Variants in DOCK10 observed in about 807,000 individuals in gnomAD.
DOCK10 encodes the protein dedicator of cytokinesis protein 10.
DOCK10 carries 145 observed loss-of-function variants against 280.1 expected under a neutral mutation model. The ratio of observed to expected loss-of-function variants is 0.52; its 90% CI spans 0.45 to 0.59. DOCK10 has a LOEUF of 0.59. Ranked by LOEUF, DOCK10 falls within the 20% of genes least tolerant of loss-of-function variation. The probability of loss-of-function intolerance (pLI) is 0.00; values close to 1 mark genes in which losing one functional copy is unlikely to be tolerated. For synonymous variants in DOCK10, 915 were observed against 942.2 expected (o/e 0.97, Z 0.53); for missense variants, 2,368 against 2,651.7 (o/e 0.89, Z 2.35).
At position 225,035,571 on chromosome 2, in the gene DOCK10, T is replaced by G. The variant is rs1160792760; in HGVS notation, c.123+6681A>C. ...ATATATATATATATATATATATATA[T>G]ATATATATATATATATAACACTGAA... On this transcript the variant is annotated intron_variant, in intron 1 of 55. Coordinates refer to ENST00000258390, the MANE Select transcript of DOCK10 (RefSeq NM_014689.3). Among the ~76,000 whole-genome samples the G allele has an allele frequency of 1.1e-4, 5 of 43,868 alleles. No homozygotes were observed. In the South Asian group the frequency reaches 4.2e-3, roughly 37 times the overall value. 28.8% of individuals were successfully genotyped at this position (43,868 alleles called of 152,430 possible).
intron 28 of DOCK10, among the ~76,000 whole-genome samples, chr2:224,820,198 G>C (rs1420542249): frequency 6.6e-6 from 1 of 152,182 alleles, no homozygotes; most frequent in Admixed American, 6.5e-5. Flanking sequence ...TTCTATCAGC[G>C]AGCTGCTTAC....
chr2:224,862,042 T>C (rs1374921326), intron 14 of DOCK10: 8 of 152,298 alleles, frequency 5.3e-5, no homozygotes, highest in Non-Finnish European at 1.2e-4. Context: ...TAATTGATGA[T>C]TAAACAGTTC....
At chr2:225,017,468 G>T (rs1442784434) in intron 1 of DOCK10, among the ~76,000 whole-genome samples, 1 of 151,750 alleles carries the variant, frequency 6.6e-6, no homozygotes, top group African/African-American at 2.4e-5. Context: ...GAGCAAGCCT[G>T]AAAGAGACCA....
intron 8 of DOCK10, 92 bp downstream of exon 8, chr2:224,875,946 C>T (rs1698600851): frequency 7.6e-7 from 1 of 1,308,248 alleles, no homozygotes; most frequent in Non-Finnish European, 1.1e-6. Flanking sequence ...TGAGCTAGAC[C>T]AGACAGCAAC....
chr2:224,801,391 T>C (rs1012307350), intron 40 of DOCK10, among the ~76,000 whole-genome samples: 3 of 152,054 alleles, frequency 2.0e-5, no homozygotes, highest in African/African-American at 7.2e-5. Flanking sequence ...AGCCATGTTA[T>C]ATAGGGTTAA....
intron 1 of DOCK10, among the ~76,000 whole-genome samples, chr2:224,965,397 C>A (rs1247501560): frequency 6.6e-6 from 1 of 152,192 alleles, no homozygotes; most frequent in Non-Finnish European, 1.5e-5. Context: ...TGTTCCTACA[C>A]AAGACGGTCT....
Position 224,876,067 on chromosome 2 carries a change from C to T in DOCK10, c.902G>A (p.Arg301Lys), listed in dbSNP as rs180691490. 2.1e-3 allele frequency: 3,311 copies of T among 1,613,786 alleles called. 9 individuals are homozygous for T. The highest frequency in any genetic ancestry group is 9.9e-3 in the Middle Eastern group (60 of 6,060). Residue 301 changes from arginine to lysine, a missense_variant, in exon 8 of 56, where the codon AGG becomes AAG. Around this residue, in one of 2 missense-constraint regions of DOCK10, gnomAD observed 1,209 missense variants for 1,250.9 expected, o/e 0.97. Coordinates refer to ENST00000258390, the MANE Select transcript of DOCK10 (RefSeq NM_014689.3). ...ISPEGPLQGR[R>K]STELTDLGLD... Reference sequence around the variant, plus strand: ...ACCCAGATCAGTGAGCTCTGTGCTCCTCCTCCCTTGGAGGGGCCCCTCAGG... The same window carrying T: ...ACCCAGATCAGTGAGCTCTGTGCTCTTCCTCCCTTGGAGGGGCCCCTCAGG...
Position 224,970,809 on chromosome 2 carries a change from A to G in DOCK10, c.124-39141T>C, listed in dbSNP as rs1705040101. Among the ~76,000 whole-genome samples the G allele has an allele frequency of 1.3e-5, 2 of 152,340 alleles. No individual in the cohort carries two copies. The highest frequency in any genetic ancestry group is 4.1e-4 in the South Asian group (2 of 4,824). ...AGAATTGGCTTTCATCTCCAAATGG[A>G]TTTATTCCTCTAAGATAACCAGAAA... On this transcript the variant is annotated intron_variant, in intron 1 of 55. Transcript: ENST00000258390. This position sits in a 1 kb window ranked among gnomAD's most constrained non-coding sequence, Gnocchi z 4.6.
At chr2:225,038,425 G>A (rs939273021) in intron 1 of DOCK10, among the ~76,000 whole-genome samples, 1 of 152,114 alleles carries the variant, frequency 6.6e-6, no homozygotes, top group African/African-American at 2.4e-5. Context: ...GTTGGTCAAA[G>A]GTTCCGCTTC....
At chr2:225,005,748 T>C (rs1180551808) in intron 1 of DOCK10, among the ~76,000 whole-genome samples, 1 of 152,224 alleles carries the variant, frequency 6.6e-6, no homozygotes, top group African/African-American at 2.4e-5. Flanking sequence ...GAATTGCAAA[T>C]ATTAGGCAAG....
At chr2:224,987,501 C>G (rs1175704074) in intron 1 of DOCK10, among the ~76,000 whole-genome samples, 2 of 152,120 alleles carry the variant, frequency 1.3e-5, no homozygotes, top group East Asian at 3.8e-4. Context: ...TTCCAGAATA[C>G]CTAGCATAGG....
At chr2:224,931,281 T>C (rs908173506) in intron 2 of DOCK10, among the ~76,000 whole-genome samples, 15 of 152,166 alleles carry the variant, frequency 9.9e-5, no homozygotes, top group Admixed American at 3.3e-4. Context: ...AACCCAGACA[T>C]TGGCAGGCAC....
At chr2:224,797,711 A>C (rs1315425207) in intron 42 of DOCK10, 121 bp downstream of exon 42, 25 of 1,214,620 alleles carry the variant, frequency 2.1e-5, no homozygotes, top group Non-Finnish European at 2.7e-5. Flanking sequence ...ATAAAACCCA[A>C]ATTGAAGAAA....
At chr2:224,965,409 C>T (rs929129920) in intron 1 of DOCK10, among the ~76,000 whole-genome samples, 5 of 152,192 alleles carry the variant, frequency 3.3e-5, no homozygotes, top group Non-Finnish European at 7.3e-5. Flanking sequence ...AGACGGTCTG[C>T]AGTTAACTTT....
intron 3 of DOCK10, among the ~76,000 whole-genome samples, chr2:224,910,692 A>G: frequency 6.6e-6 from 1 of 152,160 alleles, no homozygotes; most frequent in East Asian, 1.9e-4. Context: ...TTTGCAGTGT[A>G]ATTCTCTGGG....
chr2:225,035,149 C>T (rs1445412621), intron 1 of DOCK10, among the ~76,000 whole-genome samples: 3 of 152,140 alleles, frequency 2.0e-5, no homozygotes, highest in African/African-American at 7.2e-5. Flanking sequence ...TCCAGACTCA[C>T]AGGCTCTGAC....
chr2:224,912,383 C>A (rs865966598), intron 3 of DOCK10, among the ~76,000 whole-genome samples: 4 of 152,112 alleles, frequency 2.6e-5, no homozygotes, highest in Non-Finnish European at 5.9e-5. Flanking sequence ...GATCCACCCG[C>A]CTCGGCTTCC....
At chr2:224,975,772 T>A (rs1355825085) in intron 1 of DOCK10, among the ~76,000 whole-genome samples, 1 of 152,208 alleles carries the variant, frequency 6.6e-6, no homozygotes, top group Non-Finnish European at 1.5e-5. Flanking sequence ...TTAACTTGCT[T>A]CCTTATATGA....
chr2:224,807,640 A>G, intron 33 of DOCK10, 28 bp downstream of exon 33: 1 of 1,379,714 alleles, frequency 7.2e-7, no homozygotes, highest in Non-Finnish European at 1.0e-6. Context: ...TTATTAACAT[A>G]GAAATGTGAC....
Sources: gnomAD v4.1 joint callset for allele counts (sites outside exome capture counted in the v4.1 genomes callset) on GRCh38, gnomAD v4.1.1 for gene constraint, gnomAD v4.1.1 regional missense constraint, Gnocchi (gnomAD v3.1) non-coding constraint, MANE v1.5 for transcripts, NCBI Gene and HGNC (gene_info 2026-07-23, HGNC 2026-07-21) for gene names.